Variants in DOCK3 observed in about 807,000 individuals in gnomAD.
The protein encoded by DOCK3 is dedicator of cytokinesis protein 3.
A neutral mutation model predicts 265.6 loss-of-function variants in DOCK3; 60 were observed. The observed-to-expected ratio is 0.23, with a 90% confidence interval of 0.18 to 0.28. The LOEUF (loss-of-function observed/expected upper bound fraction) is 0.28, where lower values mean the gene tolerates loss of function less well. DOCK3 is among the 10% of genes least tolerant of loss of function. The probability of loss-of-function intolerance (pLI) is 1.00; values close to 1 mark genes in which losing one functional copy is unlikely to be tolerated. For missense variants in DOCK3, 1,981 were observed against 2,594.3 expected (o/e 0.76, Z 5.14); for synonymous variants, 881 against 938.0 (o/e 0.94, Z 1.11).
chr3:50,984,618 T>A (rs1400614236), intron 5 of DOCK3, among the ~76,000 whole-genome samples: 1 of 152,208 alleles, frequency 6.6e-6, no homozygotes, highest in Non-Finnish European at 1.5e-5. Context: ...GGGGTTTTCT[T>A]ATATGTTACT....
At chr3:51,163,483 CAAAT>C (rs1296589159) in intron 12 of DOCK3, among the ~76,000 whole-genome samples, 1 of 151,750 alleles carries the variant, frequency 6.6e-6, no homozygotes, top group African/African-American at 2.4e-5. Flanking sequence ...TTAAAACTCA[CAAAT>C]AAATAACCAT....
At chr3:51,123,071 C>T (rs545083413) in intron 9 of DOCK3, among the ~76,000 whole-genome samples, 2 of 152,272 alleles carry the variant, frequency 1.3e-5, no homozygotes, top group South Asian at 4.1e-4. Context: ...TCATTTTATC[C>T]ACCTACTCTG....
At chr3:51,202,871 A>C (rs1463463436) in intron 12 of DOCK3, among the ~76,000 whole-genome samples, 2 of 151,768 alleles carry the variant, frequency 1.3e-5, no homozygotes, top group African/African-American at 4.9e-5. Flanking sequence ...ATATACACAA[A>C]TCAATAAATG....
At chr3:50,953,873 A>G (rs2076659598) in intron 5 of DOCK3, among the ~76,000 whole-genome samples, 2 of 152,170 alleles carry the variant, frequency 1.3e-5, no homozygotes, top group South Asian at 2.1e-4. Context: ...TTCTCACACA[A>G]CAAAACAACT....
intron 2 of DOCK3, chr3:50,787,366 T>A (rs1321532259): frequency 7.6e-6 from 3 of 395,976 alleles, no homozygotes; most frequent in Non-Finnish European, 1.4e-5. Flanking sequence ...AGAAACCCCG[T>A]CTCTATTAAA....
chr3:50,821,705 G>A (rs889488765), intron 2 of DOCK3, among the ~76,000 whole-genome samples: 2 of 152,160 alleles, frequency 1.3e-5, no homozygotes, highest in Non-Finnish European at 2.9e-5. Context: ...TCATTCTTCT[G>A]CATATGGCTA....
chr3:51,372,641 C>T (rs2087778917), intron 49 of DOCK3, among the ~76,000 whole-genome samples: 1 of 152,182 alleles, frequency 6.6e-6, no homozygotes, highest in Non-Finnish European at 1.5e-5. Flanking sequence ...TACCAGGTTC[C>T]AATCACATGC....
rs975870593 is a variant in DOCK3 at position 50,913,377 on chromosome 3, G to A, written c.219-20604G>A. ...ACTCTTTCCTTTCCTTAAGCAGAAG[G>A]GAGGGGTCTTTTGGAGTTGCAAGCT... On this transcript the variant is annotated intron_variant, in intron 4 of 52. Coordinates refer to ENST00000266037, the MANE Select transcript of DOCK3 (RefSeq NM_004947.5). 2.8e-4 allele frequency among the ~76,000 whole-genome samples: 42 copies of A among 152,088 alleles called. 1 individual carries two copies. The highest frequency in any genetic ancestry group is 1.0e-3 in the African/African-American group (42 of 41,436).
chr3:51,380,166 G>T lies in DOCK3; in HGVS notation c.5542G>T (p.Gly1848Cys). Reference sequence around the variant, plus strand: ...CTTTGACGCCTTCCACCACCCTCTGGGTGATACCCCCCCAGCCCTCCCTGC... The same window carrying T: ...CTTTGACGCCTTCCACCACCCTCTGTGTGATACCCCCCCAGCCCTCCCTGC... The part of the protein sequence containing the change: ...LHFDAFHHPL[G>C]DTPPALPART... Residue 1848 changes from glycine to cysteine, a missense_variant, in exon 52 of 53, where the codon GGT (glycine) becomes TGT (cysteine). Around this residue, in one of 4 missense-constraint regions of DOCK3, gnomAD observed 1,357 missense variants for 1,866.8 expected, o/e 0.73. Transcript: ENST00000266037. 6.2e-7 allele frequency: 1 copy of T among 1,613,590 alleles called. No individual in the cohort carries two copies. Among genetic ancestry groups the T allele is most frequent in the South Asian group, 1.1e-5 (1 of 91,010 alleles).
At position 51,110,477 on chromosome 3, in the gene DOCK3, CTTATCCACTGTGATCAAGTAGGCT is replaced by C. The variant is rs1480879647; in HGVS notation, c.746+20099_746+20122del. Among the ~76,000 whole-genome samples the C allele has an allele frequency of 5.9e-5, 9 of 152,152 alleles. No individual in the cohort carries two copies. In the East Asian group the frequency reaches 1.7e-3, roughly 29 times the overall value. ...CCAAATCCAACAGCACACCAAAAAG[CTTATCCACTGTGATCAAGTAGGCT>C]TTATCTCTGGTATGCAAGGTTGATT... On this transcript the variant is annotated intron_variant, in intron 9 of 52. Coordinates refer to ENST00000266037, the MANE Select transcript of DOCK3 (RefSeq NM_004947.5).
At chr3:50,939,912 ACT>A (rs2076238119) in intron 5 of DOCK3, among the ~76,000 whole-genome samples, 1 of 152,002 alleles carries the variant, frequency 6.6e-6, no homozygotes, top group Admixed American at 6.6e-5. Context: ...AATAAATAAA[ACT>A]CTTCCTGTTT....
chr3:50,964,285 A>G (rs1185060976), intron 5 of DOCK3, among the ~76,000 whole-genome samples: 1 of 152,228 alleles, frequency 6.6e-6, no homozygotes, highest in Admixed American at 6.5e-5. Context: ...TCAGCACTTC[A>G]ATATGATTAA....
intron 2 of DOCK3, among the ~76,000 whole-genome samples, chr3:50,802,446 A>T (rs2043122321): frequency 6.6e-6 from 1 of 152,122 alleles, no homozygotes; most frequent in Admixed American, 6.5e-5. Context: ...TTCTTGCAAG[A>T]TCAGTTTAGT....
chr3:50,728,679 A>G (rs2037989754), intron 1 of DOCK3, among the ~76,000 whole-genome samples: 1 of 151,998 alleles, frequency 6.6e-6, no homozygotes, highest in Admixed American at 6.6e-5. Context: ...AACAAAGTTG[A>G]CACAGGAAGA....
At chr3:50,939,447 A>G (rs929863080) in intron 5 of DOCK3, among the ~76,000 whole-genome samples, 1 of 152,136 alleles carries the variant, frequency 6.6e-6, no homozygotes, top group African/African-American at 2.4e-5. Flanking sequence ...AATCTGGAGT[A>G]TCTCTTATGT....
intron 12 of DOCK3, among the ~76,000 whole-genome samples, chr3:51,208,521 G>C (rs1475505048): frequency 6.6e-6 from 1 of 152,218 alleles, no homozygotes; most frequent in Non-Finnish European, 1.5e-5. Flanking sequence ...ATGTGGGATA[G>C]TGTTACTTCT....
intron 1 of DOCK3, among the ~76,000 whole-genome samples, chr3:50,743,177 G>A (rs1216934186): frequency 7.5e-5 from 2 of 26,568 alleles, no homozygotes; most frequent in Non-Finnish European, 1.3e-4. Flanking sequence ...TGCCCTAAAA[G>A]AGCTCCTTGA....
intron 2 of DOCK3, among the ~76,000 whole-genome samples, chr3:50,813,371 A>G (rs1021495792): frequency 5.3e-5 from 8 of 152,148 alleles, no homozygotes; most frequent in African/African-American, 1.9e-4. Flanking sequence ...CCCTGTTTCT[A>G]CAAAAACAAG....
intron 2 of DOCK3, among the ~76,000 whole-genome samples, chr3:50,830,348 A>G (rs570650194): frequency 3.9e-5 from 6 of 152,340 alleles, no homozygotes; most frequent in Non-Finnish European, 8.8e-5. Flanking sequence ...ACTTTTAATC[A>G]TGGTATGGAA....
Sources: gnomAD v4.1 joint callset for allele counts (sites outside exome capture counted in the v4.1 genomes callset) on GRCh38, gnomAD v4.1.1 for gene constraint, gnomAD v4.1.1 regional missense constraint, MANE v1.5 for transcripts, NCBI Gene and HGNC (gene_info 2026-07-23, HGNC 2026-07-21) for gene names.